The following CARNMT1 variants were observed in gnomAD, a reference collection of about 807,000 sequenced individuals.
CARNMT1 encodes carnosine N-methyltransferase 1.
CARNMT1 carries 28 observed loss-of-function variants against 49.6 expected under a neutral mutation model. The ratio of observed to expected loss-of-function variants is 0.56; its 90% CI spans 0.42 to 0.77. CARNMT1 has a LOEUF of 0.77. Among genes scored for constraint, CARNMT1 ranks in the 30% least tolerant of loss-of-function variants. The pLI, the probability that CARNMT1 is intolerant of heterozygous loss-of-function variation, is 0.00. For missense variants in CARNMT1, 421 were observed against 512.6 expected (o/e 0.82, Z 1.73); for synonymous variants, 178 against 175.0 (o/e 1.02, Z -0.13).
chr9:74,998,696 C>T lies in CARNMT1; in HGVS notation c.812G>A (p.Arg271Gln), dbSNP rs1389888862. ...GTCAACATCAGGGAAAAAGATGGGT[C>T]GAATCTGATCAGCTGATCTCCGGTT... ...SNNRRSADQI[R>Q]PIFFPDVDPH... The change falls in exon 5 of 8, where the codon CGA becomes CAA. Residue 271 changes from arginine (R) to glutamine (Q), a missense_variant. By Grantham distance (43) the Arg-to-Gln change is conservative. This residue lies in a region of CARNMT1 where 235 missense variants were observed against 344.8 expected (regional missense o/e 0.68). Transcript: ENST00000376834. 1.9e-6 allele frequency: 3 copies of T among 1,607,138 alleles called. No individual in the cohort carries two copies. The highest frequency in any genetic ancestry group is 2.6e-6 in the Non-Finnish European group (3 of 1,176,396).
At chr9:74,991,824 A>G (rs1833027673) in intron 6 of CARNMT1, 1 of 152,146 alleles carries the variant, frequency 6.6e-6, no homozygotes, top group African/African-American at 2.4e-5. Flanking sequence ...TATCTACCCC[A>G]ACTTCTAAAA....
At chr9:74,989,153 C>A (rs1185478601) in intron 6 of CARNMT1, among the ~76,000 whole-genome samples, 1 of 151,680 alleles carries the variant, frequency 6.6e-6, no homozygotes, top group Admixed American at 6.6e-5. Flanking sequence ...GCTCTGTCAC[C>A]CAGGTTGAAG....
At chr9:75,027,481 G>T in intron 1 of CARNMT1, 1 of 985,390 alleles carries the variant, frequency 1.0e-6, no homozygotes, top group Non-Finnish European at 1.2e-6. Flanking sequence ...ACACAAAAGT[G>T]CAAGTGCGTT....
At chr9:75,015,540 C>G (rs1221367407) in intron 3 of CARNMT1, among the ~76,000 whole-genome samples, 1 of 152,040 alleles carries the variant, frequency 6.6e-6, no homozygotes, top group Non-Finnish European at 1.5e-5. Context: ...AATCCCAGCA[C>G]TTTGGGAGGA....
intron 1 of CARNMT1, 99 bp downstream of exon 1, chr9:75,027,913 G>T: frequency 7.6e-7 from 1 of 1,307,220 alleles, no homozygotes; most frequent in Non-Finnish European, 1.0e-6. Flanking sequence ...CGCCTCGGAG[G>T]CGTGGCGGCG....
chr9:74,993,939 CTGTT>C (rs1165616913), intron 6 of CARNMT1, among the ~76,000 whole-genome samples: 4 of 152,228 alleles, frequency 2.6e-5, no homozygotes, highest in Admixed American at 6.5e-5. Context: ...GTCCTATTGA[CTGTT>C]TGTGTCCCCC....
At chr9:75,004,784 G>T (rs1366389598) in intron 3 of CARNMT1, among the ~76,000 whole-genome samples, 1 of 152,176 alleles carries the variant, frequency 6.6e-6, no homozygotes, top group Non-Finnish European at 1.5e-5. Flanking sequence ...TAGTGCATCA[G>T]TATCTTTTTG....
intron 4 of CARNMT1, among the ~76,000 whole-genome samples, chr9:74,999,264 CAAAAGAGGCCACAG>C (rs1179828735): frequency 6.6e-6 from 1 of 152,062 alleles, no homozygotes; most frequent in Non-Finnish European, 1.5e-5. Context: ...CACTGCCTTC[CAAAAGAGGCCACAG>C]AAGTTCTGAG....
intron 3 of CARNMT1, among the ~76,000 whole-genome samples, chr9:75,002,537 C>A (rs894617436): frequency 6.6e-6 from 1 of 152,094 alleles, no homozygotes; most frequent in Non-Finnish European, 1.5e-5. Context: ...GAATGAAAAA[C>A]ATCTCATTAA....
intron 1 of CARNMT1, among the ~76,000 whole-genome samples, chr9:75,017,951 T>C (rs1833899297): frequency 6.6e-6 from 1 of 152,132 alleles, no homozygotes; most frequent in Non-Finnish European, 1.5e-5. Context: ...TCTATAGTGT[T>C]TTACTTAACA....
chr9:75,000,078 C>G (rs1410183), intron 3 of CARNMT1, among the ~76,000 whole-genome samples: 150,133 of 152,268 alleles, frequency 0.99, 74,046 homozygotes, highest in Middle Eastern at 1. Flanking sequence ...GAGGGTTTTA[C>G]CCCTCAAAAA....
At chr9:75,005,534 G>A (rs1000976465) in intron 3 of CARNMT1, among the ~76,000 whole-genome samples, 6 of 148,186 alleles carry the variant, frequency 4.0e-5, no homozygotes, top group Non-Finnish European at 7.4e-5. Flanking sequence ...GTGCAGTGGC[G>A]CAATCTCGGC....
At chr9:74,993,881 G>A (rs766020508) in intron 6 of CARNMT1, among the ~76,000 whole-genome samples, 3 of 152,188 alleles carry the variant, frequency 2.0e-5, no homozygotes, top group Admixed American at 1.3e-4. Context: ...AGCTTTAGGA[G>A]ATACAACTTT....
intron 1 of CARNMT1, among the ~76,000 whole-genome samples, chr9:75,023,728 T>C (rs536503438): frequency 1.3e-5 from 2 of 152,366 alleles, no homozygotes; most frequent in South Asian, 4.1e-4. Context: ...ACCTGGTTTT[T>C]GTACAGTCTT....
chr9:75,028,022 G>T lies in CARNMT1; in HGVS notation c.220C>A (p.Arg74Ser). Residue 74 changes from arginine to serine, a missense_variant, in exon 1 of 8, where the codon CGC becomes AGC. By Grantham distance (110) the Arg-to-Ser change is moderately radical (BLOSUM62 -1). This residue lies in a region of CARNMT1 where 186 missense variants were observed against 167.9 expected (regional missense o/e 1.11). Coordinates refer to ENST00000376834, the MANE Select transcript of CARNMT1 (RefSeq NM_152420.3). ...CCACGGGCTCCTTACCCGTAGTAGC[G>T]GAAGGCATTAATGATCTTCCAGAAG... ...EHFWKIINAFRYYGTSMHERV... is the reference protein window; with the variant it reads ...EHFWKIINAFSYYGTSMHERV... 1 of 1,570,400 alleles carries T rather than the reference G, an allele frequency of 6.4e-7. No homozygotes were observed.
intron 1 of CARNMT1, 33 bp from the exon 2 acceptor site, chr9:75,017,481 A>G (rs760907521): frequency 1.3e-6 from 2 of 1,587,116 alleles, no homozygotes; most frequent in East Asian, 2.2e-5. Context: ...TAAATTCACA[A>G]AAGAATTCTC....
intron 3 of CARNMT1, among the ~76,000 whole-genome samples, chr9:75,006,682 C>T (rs1323635375): frequency 6.6e-6 from 1 of 152,080 alleles, no homozygotes. Context: ...GGAAAGGAGA[C>T]TATATATCCC....
chr9:74,992,719 T>C (rs148833070), intron 6 of CARNMT1, among the ~76,000 whole-genome samples: 1 of 152,190 alleles, frequency 6.6e-6, no homozygotes, highest in Non-Finnish European at 1.5e-5. Context: ...ATTAAAGCAT[T>C]TGTAAATTAA....
At chr9:75,003,427 GC>G (rs1170996742) in intron 3 of CARNMT1, among the ~76,000 whole-genome samples, 1 of 152,246 alleles carries the variant, frequency 6.6e-6, no homozygotes, top group East Asian at 1.9e-4. Flanking sequence ...CTAAAACGCA[GC>G]CATACTCACT....
Sources: gnomAD v4.1 joint callset for allele counts (sites outside exome capture counted in the v4.1 genomes callset) on GRCh38, gnomAD v4.1.1 for gene constraint, gnomAD v4.1.1 regional missense constraint, MANE v1.5 for transcripts, NCBI Gene and HGNC (gene_info 2026-07-23, HGNC 2026-07-21) for gene names.